Variants in INPP4B observed in about 807,000 individuals in gnomAD.
INPP4B encodes the protein inositol polyphosphate 4-phosphatase type II.
A neutral mutation model predicts 122.5 loss-of-function variants in INPP4B; 55 were observed. That is an observed-to-expected ratio of 0.45 (90% CI 0.36 to 0.56). INPP4B has a LOEUF of 0.56. Ranked by LOEUF, INPP4B falls within the 20% of genes least tolerant of loss-of-function variation. The probability of loss-of-function intolerance (pLI) is 0.00; values close to 1 mark genes in which losing one functional copy is unlikely to be tolerated. For missense variants in INPP4B, 1,000 were observed against 1,097.7 expected (o/e 0.91, Z 1.26); for synonymous variants, 403 against 388.7 (o/e 1.04, Z -0.43).
chr4:142,483,444 T>C lies in INPP4B; in HGVS notation c.-190-20718A>G, dbSNP rs532215197. Among the ~76,000 whole-genome samples, 4 of 152,168 alleles carry C rather than the reference T, an allele frequency of 2.6e-5. No individual in the cohort carries two copies. The East Asian group carries it at 7.7e-4, about 29-fold the overall frequency. On this transcript the variant is annotated intron_variant, in intron 2 of 25. Transcript: ENST00000262992. ...ACTCTCTGTGAGTGGATATTACTAA[T>C]GGACGAAAGGGGCAGTGATATCTGA...
At chr4:142,266,992 T>C (rs995360336) in intron 10 of INPP4B, among the ~76,000 whole-genome samples, 11 of 152,196 alleles carry the variant, frequency 7.2e-5, no homozygotes, top group Non-Finnish European at 1.3e-4. Flanking sequence ...TATAAGTAAA[T>C]TTAACCAAGG....
intron 12 of INPP4B, among the ~76,000 whole-genome samples, chr4:142,232,164 T>C (rs916296312): frequency 1.3e-5 from 2 of 152,220 alleles, no homozygotes; most frequent in African/African-American, 2.4e-5. Context: ...GAGTTCATAT[T>C]GTATTTACTA....
intron 23 of INPP4B, among the ~76,000 whole-genome samples, chr4:142,092,002 G>T (rs371535850): frequency 1.2e-4 from 18 of 152,276 alleles, no homozygotes; most frequent in African/African-American, 4.1e-4. Context: ...ACGTCCATTT[G>T]TGTGATCCAT....
chr4:142,378,000 A>T (rs1792650922), intron 7 of INPP4B, among the ~76,000 whole-genome samples: 1 of 152,136 alleles, frequency 6.6e-6, no homozygotes, highest in African/African-American at 2.4e-5. Flanking sequence ...TGTCACTAGG[A>T]AAGAATCCCT....
intron 14 of INPP4B, among the ~76,000 whole-genome samples, chr4:142,201,301 T>C (rs1840527086): frequency 6.6e-6 from 1 of 152,094 alleles, no homozygotes; most frequent in Non-Finnish European, 1.5e-5. Flanking sequence ...TACAGTTGTG[T>C]AATCTTTAAC....
At chr4:142,787,460 G>T (rs78750687) in intron 1 of INPP4B, among the ~76,000 whole-genome samples, 3,755 of 152,138 alleles carry the variant, frequency 0.025, 60 homozygotes, top group Middle Eastern at 0.095. Flanking sequence ...ATACTGGATT[G>T]CCCAGCCTCT....
intron 7 of INPP4B, among the ~76,000 whole-genome samples, chr4:142,401,857 ACTTGAGTCTT>A (rs1801712633): frequency 6.6e-6 from 1 of 152,170 alleles, no homozygotes; most frequent in African/African-American, 2.4e-5. Flanking sequence ...CTGTGCATTT[ACTTGAGTCTT>A]TGTTCTGCAA....
rs568113063 is a variant in INPP4B at position 142,119,796 on chromosome 4, T to C, written c.2135+2332A>G. On this transcript the variant is annotated intron_variant, in intron 21 of 25. Transcript: ENST00000262992. ...TGTAGCCTAGAACTTAAAGTATATA[T>C]ACACACACACACACACACACACACA... 5.6e-3 allele frequency among the ~76,000 whole-genome samples: 829 copies of C among 148,530 alleles called. 8 individuals are homozygous for C. The highest frequency in any genetic ancestry group is 0.019 in the African/African-American group (767 of 39,926).
At chr4:142,249,053 T>C (rs182316898) in intron 11 of INPP4B, among the ~76,000 whole-genome samples, 1 of 152,102 alleles carries the variant, frequency 6.6e-6, no homozygotes, top group East Asian at 1.9e-4. Context: ...TGAAAAAGAA[T>C]CAAAGCTGTG....
intron 2 of INPP4B, among the ~76,000 whole-genome samples, chr4:142,505,902 T>G (rs1823962534): frequency 6.6e-6 from 1 of 152,228 alleles, no homozygotes; most frequent in East Asian, 1.9e-4. Flanking sequence ...AAACAATTCC[T>G]GCAATGCCTA....
At chr4:142,765,419 C>A (rs1038106152) in intron 1 of INPP4B, among the ~76,000 whole-genome samples, 1 of 152,140 alleles carries the variant, frequency 6.6e-6, no homozygotes, top group Non-Finnish European at 1.5e-5. Flanking sequence ...CACCAAAACA[C>A]TCTTTCCAAA....
At chr4:142,208,282 T>C (rs1285812089) in intron 14 of INPP4B, 143 bp downstream of exon 14, 1 of 426,610 alleles carries the variant, frequency 2.3e-6, no homozygotes. Flanking sequence ...TTTAACAGAA[T>C]TTAGGGTCAT....
intron 2 of INPP4B, among the ~76,000 whole-genome samples, chr4:142,665,564 T>G (rs1428717096): frequency 1.3e-5 from 2 of 150,962 alleles, no homozygotes; most frequent in Admixed American, 1.3e-4. Context: ...TAATGATTGA[T>G]GTGTCAAAGA....
intron 9 of INPP4B, among the ~76,000 whole-genome samples, chr4:142,302,272 G>A (rs578092887): frequency 3.3e-5 from 5 of 152,082 alleles, no homozygotes; most frequent in African/African-American, 7.2e-5. Context: ...TGTAAGCCTC[G>A]GCACGGTGGT....
chr4:142,746,213 T>A (rs1367112641), intron 1 of INPP4B, among the ~76,000 whole-genome samples: 1 of 151,968 alleles, frequency 6.6e-6, no homozygotes, highest in Non-Finnish European at 1.5e-5. Context: ...ACCTCAAACA[T>A]TCCTTTACAC....
intron 15 of INPP4B, among the ~76,000 whole-genome samples, chr4:142,188,467 A>G (rs1834145596): frequency 1.6e-5 from 2 of 125,120 alleles, no homozygotes; most frequent in African/African-American, 2.9e-5. Context: ...AGCCTAGGCG[A>G]CAGAGTGAGA....
At chr4:142,638,850 T>A (rs1193988205) in intron 2 of INPP4B, among the ~76,000 whole-genome samples, 1 of 152,164 alleles carries the variant, frequency 6.6e-6, no homozygotes. Flanking sequence ...CCGGCCTAGT[T>A]GTCTATTCTT....
chr4:142,260,578 T>TAAAAAAA lies in INPP4B; in HGVS notation c.616-21_616-15dup. On this transcript the variant is annotated splice_polypyrimidine_tract_variant and intron_variant, in intron 10 of 25. Transcript: ENST00000262992. ...TACCAGGGCACACTAGGAAAAAATG[T>TAAAAAAA]AAAAAAAAAAAAAAAATTTTGAGAA... is the stretch of plus-strand genomic sequence containing the variant. The TAAAAAAA allele has an allele frequency of 9.2e-7, 1 of 1,086,390 alleles. No individual in the cohort carries two copies. The highest frequency in any genetic ancestry group is 1.3e-6 in the Non-Finnish European group (1 of 797,150). The allele number at this position is 1,086,390 out of a possible 1,614,324, so 67.3% of individuals were successfully genotyped here. A position where few individuals can be genotyped will look rare whatever the true frequency, so the allele number is the denominator to read the frequency against.
At chr4:142,566,593 C>A (rs1378419217) in intron 2 of INPP4B, among the ~76,000 whole-genome samples, 1 of 152,116 alleles carries the variant, frequency 6.6e-6, no homozygotes, top group Non-Finnish European at 1.5e-5. Flanking sequence ...AGATTGCTAT[C>A]TGGGAAAGAG....
Sources: gnomAD v4.1 joint callset for allele counts (sites outside exome capture counted in the v4.1 genomes callset) on GRCh38, gnomAD v4.1.1 for gene constraint, MANE v1.5 for transcripts, NCBI Gene and HGNC (gene_info 2026-07-23, HGNC 2026-07-21) for gene names.